The following FOXJ3 variants were observed in gnomAD, a reference collection of about 807,000 sequenced individuals.
FOXJ3 encodes the protein forkhead box protein J3.
Under a neutral mutation model 76.1 loss-of-function variants are expected in FOXJ3, and 22 were observed. That is an observed-to-expected ratio of 0.29 (90% CI 0.21 to 0.41). FOXJ3 has a LOEUF of 0.41. Ranked by LOEUF, FOXJ3 falls within the 10% of genes least tolerant of loss-of-function variation. FOXJ3 has a pLI of 1.00. For missense variants in FOXJ3, 613 were observed against 762.1 expected (o/e 0.80, Z 2.30); for synonymous variants, 269 against 261.2 (o/e 1.03, Z -0.29).
chr1:42,277,060 TAGA>T (rs112535201), intron 3 of FOXJ3, among the ~76,000 whole-genome samples: 2 of 152,214 alleles, frequency 1.3e-5, no homozygotes, highest in African/African-American at 4.8e-5. Context: ...ATGTTAACAT[TAGA>T]AGAAGCTGAT....
At chr1:42,324,125 A>T (rs199625270) in intron 1 of FOXJ3, among the ~76,000 whole-genome samples, 44,312 of 52,718 alleles carry the variant, frequency 0.84, 20,788 homozygotes, top group East Asian at 0.93. Context: ...GTATATACAC[A>T]GTGTATATAC....
intron 3 of FOXJ3, among the ~76,000 whole-genome samples, chr1:42,272,828 T>C (rs1651959062): frequency 6.6e-6 from 1 of 152,222 alleles, no homozygotes; most frequent in Non-Finnish European, 1.5e-5. Flanking sequence ...AGCTCTTCAG[T>C]TTGGCATTCA....
In FOXJ3 at chr1:42,182,024, C is replaced by A. The variant is rs756695869; in HGVS notation, c.1646G>T (p.Gly549Val). ...PTKPSQHIGT[G>V]NLYIDSRQNL... is the part of the protein sequence containing the mutation. ...TTGCCTAGAATCTATGTACAAATTTCCTAATCAGATTAAAAGCAGAAAGAG... is the reference window on the plus strand; with the variant it reads ...TTGCCTAGAATCTATGTACAAATTTACTAATCAGATTAAAAGCAGAAAGAG... Residue 549 changes from glycine (G) to valine (V), a missense_variant and splice_region_variant, in exon 12 of 13, where the codon GGA (glycine) becomes GTA (valine). By Grantham distance (109) the Gly-to-Val change is moderately radical. Transcript: ENST00000361346. 6.3e-7 allele frequency: 1 copy of A among 1,583,344 alleles called. No individual in the cohort carries two copies. The highest frequency in any genetic ancestry group is 1.1e-5 in the South Asian group (1 of 89,312).
At chr1:42,207,824 G>A (rs1462636962) in intron 5 of FOXJ3, among the ~76,000 whole-genome samples, 1 of 152,162 alleles carries the variant, frequency 6.6e-6, no homozygotes, top group Non-Finnish European at 1.5e-5. Context: ...CCAGCACTTA[G>A]GTCCCAGGTA....
chr1:42,332,071 C>T (rs1014075564), intron 1 of FOXJ3, among the ~76,000 whole-genome samples: 6 of 152,158 alleles, frequency 3.9e-5, no homozygotes, highest in African/African-American at 1.4e-4. Flanking sequence ...TCATTGTAGT[C>T]ACTGTTTCTG....
At position 42,335,092 on chromosome 1, in the gene FOXJ3, GC is replaced by G; in HGVS notation, c.-52del. On this transcript the variant is annotated 5_prime_UTR_variant, in exon 1 of 13. Coordinates refer to ENST00000361346, the MANE Select transcript of FOXJ3 (RefSeq NM_014947.5). ...GCGCAGGCCGGGACGGCCCGGCCGA[GC>G]CCCCGGCCGCTCCGTGCGTCTCCGC... is the stretch of plus-strand genomic sequence containing the variant. 1.3e-5 allele frequency: 2 copies of G among 152,274 alleles called. No individual in the cohort carries two copies. The highest frequency in any genetic ancestry group is 2.9e-5 in the Non-Finnish European group (2 of 68,128). 9.4% of individuals were successfully genotyped at this position (152,274 alleles called of 1,614,324 possible).
At chr1:42,189,525 A>T in intron 9 of FOXJ3, 121 bp from the exon 10 acceptor site, 1 of 664,322 alleles carries the variant, frequency 1.5e-6, no homozygotes, top group South Asian at 1.7e-5. Flanking sequence ...TTACAAGGGG[A>T]TTTGTACCCA....
Position 42,179,650 on chromosome 1 carries a change from C to T in FOXJ3, c.*60G>A. 2 of 1,038,900 alleles carry T rather than the reference C, an allele frequency of 1.9e-6. No individual in the cohort carries two copies. The highest frequency in any genetic ancestry group is 1.5e-6 in the Non-Finnish European group (1 of 664,678). 64.4% of individuals were successfully genotyped at this position (1,038,900 alleles called of 1,614,324 possible). A position where few individuals can be genotyped will look rare whatever the true frequency, so the allele number is the denominator to read the frequency against. Reference sequence around the variant, plus strand: ...GTTTTCTCAACTGGATTCTCTTAAACCTTTCCCTTCACTGCACAGAAAGGT... The same window carrying T: ...GTTTTCTCAACTGGATTCTCTTAAATCTTTCCCTTCACTGCACAGAAAGGT... On this transcript the variant is annotated 3_prime_UTR_variant, in exon 13 of 13. Coordinates refer to ENST00000361346, the MANE Select transcript of FOXJ3 (RefSeq NM_014947.5).
Position 42,181,908 on chromosome 1 carries a change from C to G in FOXJ3, c.1753+9G>C. The stretch of plus-strand genomic sequence containing the variant: ...ACACACACACACTCACTCTCTCTCT[C>G]TCTCTTACCTGCCATCGTTGTTCCT... On this transcript the variant is annotated intron_variant, in intron 12 of 12. Transcript: ENST00000361346. 1 of 1,570,588 alleles carries G rather than the reference C, an allele frequency of 6.4e-7. No homozygotes were observed. Among genetic ancestry groups the G allele is most frequent in the Middle Eastern group, 1.7e-4 (1 of 5,938 alleles).
At chr1:42,266,273 A>G (rs778861871) in intron 3 of FOXJ3, among the ~76,000 whole-genome samples, 149 of 152,278 alleles carry the variant, frequency 9.8e-4, no homozygotes, top group Middle Eastern at 6.8e-3. Flanking sequence ...TCTATTACCA[A>G]AGCAGAAATT....
intron 4 of FOXJ3, among the ~76,000 whole-genome samples, chr1:42,263,508 C>T (rs544386425): frequency 6.6e-6 from 1 of 152,184 alleles, no homozygotes; most frequent in East Asian, 1.9e-4. Flanking sequence ...AATAAGCCTC[C>T]TTTCCTTTAA....
At chr1:42,211,612 C>T (rs1410913582) in intron 5 of FOXJ3, among the ~76,000 whole-genome samples, 1 of 152,074 alleles carries the variant, frequency 6.6e-6, no homozygotes, top group East Asian at 1.9e-4. Flanking sequence ...CTAAACTATT[C>T]AACTCAGTGA....
In FOXJ3 at chr1:42,306,184, C is replaced by T. The variant is rs1239341682; in HGVS notation, c.44+4866G>A. 7.2e-5 allele frequency among the ~76,000 whole-genome samples: 11 copies of T among 151,902 alleles called. No individual in the cohort carries two copies. The South Asian group carries it at 1.0e-3, about 14-fold the overall frequency. ...TGTACTTGGAAATAAAATACAGGTA[C>T]ATCTGAGGATTCAAATCCATCTTAT... On this transcript the variant is annotated intron_variant, in intron 2 of 12. Transcript: ENST00000361346.
At chr1:42,309,023 T>A (rs1343446964) in intron 2 of FOXJ3, among the ~76,000 whole-genome samples, 1 of 70,448 alleles carries the variant, frequency 1.4e-5, no homozygotes, top group Non-Finnish European at 3.3e-5. Context: ...AAAAAATGCT[T>A]TTCTACTGAG....
chr1:42,259,952 T>C (rs1228089271), intron 4 of FOXJ3, among the ~76,000 whole-genome samples: 4 of 152,188 alleles, frequency 2.6e-5, no homozygotes, highest in Non-Finnish European at 4.4e-5. Flanking sequence ...AAGTCTCCCT[T>C]GGGAAGCTGT....
Position 42,191,571 on chromosome 1 carries a change from G to A in FOXJ3, c.1083C>T (p.Gly361=). The change falls in exon 9 of 13, where the codon GGC becomes GGT. Residue 361 remains glycine, a synonymous_variant. Coordinates refer to ENST00000361346, the MANE Select transcript of FOXJ3 (RefSeq NM_014947.5). ...NSHGSGLNTT[G]SNSVAQVSLS... ...GTGAGACCTGTGCAACCGAATTACT[G>A]CCTGTGGTGTTGAGGCCACTGCCAT... 6.2e-7 allele frequency: 1 copy of A among 1,614,136 alleles called. No homozygotes were observed. The highest frequency in any genetic ancestry group is 1.7e-5 in the Admixed American group (1 of 60,024).
At chr1:42,234,329 T>G (rs1019083859) in intron 4 of FOXJ3, among the ~76,000 whole-genome samples, 1 of 152,212 alleles carries the variant, frequency 6.6e-6, no homozygotes, top group African/African-American at 2.4e-5. Context: ...TTTTAACTTC[T>G]TTGCCATGGG....
At chr1:42,182,659 G>A (rs1007546313) in intron 11 of FOXJ3, among the ~76,000 whole-genome samples, 1 of 152,062 alleles carries the variant, frequency 6.6e-6, no homozygotes, top group Admixed American at 6.5e-5. Flanking sequence ...TACCACGCCT[G>A]GCTAATTTTT....
At chr1:42,329,219 A>C (rs1656015620) in intron 1 of FOXJ3, among the ~76,000 whole-genome samples, 1 of 152,208 alleles carries the variant, frequency 6.6e-6, no homozygotes. Context: ...GTTCCATATA[A>C]CAAAGCTATT....
Sources: allele counts gnomAD v4.1 joint callset (sites outside exome capture counted in the v4.1 genomes callset), GRCh38; gene constraint gnomAD v4.1.1; transcripts MANE v1.5; gene names NCBI Gene and HGNC (gene_info 2026-07-23, HGNC 2026-07-21).